The following ARMH3 variants were observed in gnomAD, a reference collection of about 807,000 sequenced individuals.
ARMH3 encodes armadillo like helical domain containing 3, also known as armadillo-like helical domain-containing protein 3.
ARMH3 carries 60 observed loss-of-function variants against 99.1 expected under a neutral mutation model. That is an observed-to-expected ratio of 0.61 (90% CI 0.49 to 0.75). The LOEUF (loss-of-function observed/expected upper bound fraction) is 0.75. Ranked by LOEUF, ARMH3 falls within the 30% of genes least tolerant of loss-of-function variation. ARMH3 has a pLI of 0.00. For missense variants in ARMH3, 679 were observed against 843.1 expected (o/e 0.81, Z 2.41); for synonymous variants, 285 against 292.8 (o/e 0.97, Z 0.27).
rs778404752 is a variant in ARMH3, at chr10:101,847,599, C to T, written c.1999G>A (p.Val667Ile). The T allele has an allele frequency of 5.0e-6, 8 of 1,613,968 alleles. No individual in the cohort carries two copies. The African/African-American group carries it at 5.3e-5, about 11-fold the overall frequency. ...GTGTGGAAGGCCAGGTTTCTCCGGACGTTGGTGCTAATGGATCGAACCTGG... is the reference window on the plus strand; with the variant it reads ...GTGTGGAAGGCCAGGTTTCTCCGGATGTTGGTGCTAATGGATCGAACCTGG... Reference protein sequence around the residue: ...KELVRSISTNVRRNLAFHTLS... With the variant: ...KELVRSISTNIRRNLAFHTLS... The change falls in exon 26 of 26, where the codon GTC becomes ATC. Residue 667 changes from valine (V) to isoleucine (I), a missense_variant. Val to Ile is a conservative substitution (Grantham distance 29, BLOSUM62 3). Around this residue, in one of 3 missense-constraint regions of ARMH3, gnomAD observed 389 missense variants for 456.5 expected, o/e 0.85. Transcript: ENST00000370033.
At chr10:102,028,767 G>A (rs191783546) in intron 5 of ARMH3, among the ~76,000 whole-genome samples, 71 of 152,266 alleles carry the variant, frequency 4.7e-4, no homozygotes, top group African/African-American at 1.7e-3. Context: ...GACTGCTAAT[G>A]GGTACAGGTT....
At chr10:101,933,818 G>C (rs1039330991) in intron 23 of ARMH3, among the ~76,000 whole-genome samples, 1 of 152,198 alleles carries the variant, frequency 6.6e-6, no homozygotes, top group South Asian at 2.1e-4. Context: ...CTCCCTGCTA[G>C]TCAAGAGTCA....
chr10:101,896,663 T>C (rs947324723), intron 23 of ARMH3, among the ~76,000 whole-genome samples: 7 of 152,220 alleles, frequency 4.6e-5, no homozygotes. Context: ...AATGTGGTGA[T>C]TCCCAGGGTG....
At chr10:102,028,161 G>A (rs1407786487) in intron 5 of ARMH3, among the ~76,000 whole-genome samples, 1 of 152,090 alleles carries the variant, frequency 6.6e-6, no homozygotes, top group Admixed American at 6.6e-5. Flanking sequence ...CAGCCCCTAT[G>A]GAAAAATGGT....
chr10:101,883,813 G>A (rs1289516546), intron 24 of ARMH3, among the ~76,000 whole-genome samples: 2 of 151,976 alleles, frequency 1.3e-5, no homozygotes, highest in Non-Finnish European at 2.9e-5. Flanking sequence ...AAAATATAGT[G>A]AGACTCCATC....
rs1016288555 is a variant in ARMH3 at position 101,899,858 on chromosome 10, CTTAG to C, written c.1782-10372_1782-10369del. 3.3e-5 allele frequency among the ~76,000 whole-genome samples: 5 copies of C among 151,984 alleles called. No individual in the cohort carries two copies. The East Asian group carries it at 5.8e-4, about 18-fold the overall frequency. On this transcript the variant is annotated intron_variant, in intron 23 of 25. Transcript: ENST00000370033. ...AGGACCAAAGACACAAAAATGGAAC[CTTAG>C]TTAGTATAAAAGGCATTTTGACAAC...
intron 2 of ARMH3, among the ~76,000 whole-genome samples, chr10:102,038,729 A>G (rs35433055): frequency 0.025 from 3,859 of 151,992 alleles, 81 homozygotes; most frequent in Non-Finnish European, 0.041. Flanking sequence ...TAGAAACCCA[A>G]TATATGGTCT....
At chr10:101,866,917 C>A (rs1280159149) in intron 24 of ARMH3, among the ~76,000 whole-genome samples, 1 of 151,776 alleles carries the variant, frequency 6.6e-6, no homozygotes, top group Non-Finnish European at 1.5e-5. Flanking sequence ...CAAACAAAAA[C>A]AAACAAACAA....
At chr10:101,915,331 C>A (rs890334307) in intron 23 of ARMH3, among the ~76,000 whole-genome samples, 1 of 152,182 alleles carries the variant, frequency 6.6e-6, no homozygotes, top group Non-Finnish European at 1.5e-5. Flanking sequence ...GAATCAGCAT[C>A]TTGCTAAATG....
At chr10:101,952,032 C>T (rs1299326076) in intron 22 of ARMH3, among the ~76,000 whole-genome samples, 1 of 152,152 alleles carries the variant, frequency 6.6e-6, no homozygotes, top group Non-Finnish European at 1.5e-5. Flanking sequence ...TATATAGATA[C>T]CCTTTTCTGC....
intron 23 of ARMH3, among the ~76,000 whole-genome samples, chr10:101,903,557 A>G (rs763304674): frequency 6.6e-6 from 1 of 152,192 alleles, no homozygotes; most frequent in Admixed American, 6.5e-5. Flanking sequence ...GTGCTTGAGC[A>G]GAGTCTCAAA....
chr10:101,975,692 C>A (rs1845963959), intron 19 of ARMH3, among the ~76,000 whole-genome samples: 1 of 149,478 alleles, frequency 6.7e-6, no homozygotes, highest in Non-Finnish European at 1.5e-5. Flanking sequence ...GGTGAAACCC[C>A]ATCTCTACTA....
chr10:102,012,089 T>C lies in ARMH3; in HGVS notation c.771-306A>G, dbSNP rs182569374. Among the ~76,000 whole-genome samples, 344 of 152,326 alleles carry C rather than the reference T, an allele frequency of 2.3e-3. 1 individual carries two copies. Among genetic ancestry groups the C allele is most frequent in the Middle Eastern group, 0.014 (4 of 294 alleles). On this transcript the variant is annotated intron_variant, in intron 10 of 25. Transcript: ENST00000370033. ...CAAACAATCTATTACTTGAAAAGTG[T>C]GACAGTAAAATTACTTTAGGGCTAC...
At chr10:102,030,439 T>C (rs1353439641) in intron 4 of ARMH3, among the ~76,000 whole-genome samples, 1 of 152,192 alleles carries the variant, frequency 6.6e-6, no homozygotes, top group Non-Finnish European at 1.5e-5. Context: ...CCGGACGCAG[T>C]GGCTCAAGCC....
intron 23 of ARMH3, among the ~76,000 whole-genome samples, chr10:101,900,159 T>C (rs554510311): frequency 1.3e-5 from 2 of 152,340 alleles, no homozygotes; most frequent in Admixed American, 1.3e-4. Context: ...TCCATCACTC[T>C]GTGCTTCTGA....
intron 16 of ARMH3, among the ~76,000 whole-genome samples, chr10:101,994,393 G>A (rs5003331): frequency 0.21 from 31,477 of 152,104 alleles, 4,005 homozygotes; most frequent in Non-Finnish European, 0.29. Flanking sequence ...AACATGAAGA[G>A]AGAGAGACTG....
intron 20 of ARMH3, among the ~76,000 whole-genome samples, chr10:101,973,029 GA>G (rs1287851529): frequency 6.6e-6 from 1 of 152,196 alleles, no homozygotes; most frequent in Non-Finnish European, 1.5e-5. Context: ...TGCTGAGTCA[GA>G]AAAGATAAAT....
Position 101,974,238 on chromosome 10 carries a change from T to G in ARMH3, c.1495+974A>C, listed in dbSNP as rs543069298. 4.3e-4 allele frequency among the ~76,000 whole-genome samples: 65 copies of G among 152,316 alleles called. 1 individual carries two copies. The Middle Eastern group carries it at 0.017, about 40-fold the overall frequency. The stretch of plus-strand genomic sequence containing the variant: ...CTACTTCCCATTATGGAGGACTAAA[T>G]TTAGAAAGCCAAACTGGGTTGGGAG... On this transcript the variant is annotated intron_variant, in intron 20 of 25. Coordinates refer to ENST00000370033, the MANE Select transcript of ARMH3 (RefSeq NM_024541.3).
chr10:101,944,267 TATATATAGAGAGAGAGAGAGAGAG>T (rs1279634328), intron 22 of ARMH3, among the ~76,000 whole-genome samples: 64 of 51,098 alleles, frequency 1.3e-3, no homozygotes, highest in East Asian at 5.0e-3. Flanking sequence ...TATATATATA[TATATATAGAGAGAGAGAGAGAGAG>T]AGAGAGAGAG....
Sources: gnomAD v4.1 joint callset for allele counts (sites outside exome capture counted in the v4.1 genomes callset) on GRCh38, gnomAD v4.1.1 for gene constraint, gnomAD v4.1.1 regional missense constraint, MANE v1.5 for transcripts, NCBI Gene and HGNC (gene_info 2026-07-23, HGNC 2026-07-21) for gene names.